The following RYR2 variants were observed in gnomAD, a reference collection of about 807,000 sequenced individuals.
RYR2 encodes the protein cardiac muscle ryanodine receptor-calcium release channel.
In RYR2, 227 loss-of-function variants were observed where a neutral mutation model predicts 601.1. The ratio of observed to expected loss-of-function variants is 0.38; its 90% CI spans 0.34 to 0.42. RYR2 has a LOEUF of 0.42. Ranked by LOEUF, RYR2 falls within the 10% of genes least tolerant of loss-of-function variation. The pLI is 1.00. For synonymous variants in RYR2, 2,223 were observed against 2,175.1 expected, an observed-to-expected ratio of 1.02 and a Z score of -0.61; for missense variants, 4,646 against 6,156.5, an observed-to-expected ratio of 0.75 and a Z score of 8.21.
chr1:237,310,309 G>A (rs1694406452), intron 2 of RYR2, among the ~76,000 whole-genome samples: 1 of 152,148 alleles, frequency 6.6e-6, no homozygotes, highest in African/African-American at 2.4e-5. Context: ...TAATGTGAAA[G>A]GAAAATAAAA....
intron 25 of RYR2, among the ~76,000 whole-genome samples, chr1:237,537,337 G>C (rs1352589624): frequency 6.6e-6 from 1 of 151,532 alleles, no homozygotes; most frequent in Non-Finnish European, 1.5e-5. Flanking sequence ...GTTTTGTTTT[G>C]TTTTTAGATG....
intron 1 of RYR2, among the ~76,000 whole-genome samples, chr1:237,067,149 G>A (rs1036673884): frequency 6.6e-6 from 1 of 151,190 alleles, no homozygotes; most frequent in Non-Finnish European, 1.5e-5. Context: ...TTTTAATTTT[G>A]ATGAAGTAAA....
chr1:237,592,505 C>T (rs1459024348), intron 32 of RYR2, among the ~76,000 whole-genome samples: 1 of 151,742 alleles, frequency 6.6e-6, no homozygotes, highest in African/African-American at 2.4e-5. Flanking sequence ...TGGAGGTGGG[C>T]ACCTGTAATC....
chr1:237,048,046 TC>T (rs1323884543), intron 1 of RYR2, among the ~76,000 whole-genome samples: 1 of 152,160 alleles, frequency 6.6e-6, no homozygotes, highest in African/African-American at 2.4e-5. Flanking sequence ...TGTTTAGACT[TC>T]CCTCTTGCCT....
At chr1:237,507,862 A>G (rs1470994065) in intron 23 of RYR2, among the ~76,000 whole-genome samples, 5 of 152,248 alleles carry the variant, frequency 3.3e-5, no homozygotes, top group African/African-American at 1.2e-4. Flanking sequence ...AGGCTTGCTG[A>G]AGCATGACCA....
intron 28 of RYR2, among the ~76,000 whole-genome samples, chr1:237,568,322 C>T (rs773911788): frequency 6.6e-6 from 1 of 152,118 alleles, no homozygotes; most frequent in African/African-American, 2.4e-5. Context: ...TGTCTGGTAA[C>T]GTACCGATTC....
chr1:237,554,619 A>C (rs2779387), intron 27 of RYR2, among the ~76,000 whole-genome samples: 139,547 of 151,898 alleles, frequency 0.92, 64,983 homozygotes, highest in Non-Finnish European at 0.99. Flanking sequence ...AGAGTTTTAT[A>C]CTATAGGAAA....
At chr1:237,795,836 G>A (rs868447072) in intron 96 of RYR2, among the ~76,000 whole-genome samples, 6 of 132,690 alleles carry the variant, frequency 4.5e-5, no homozygotes, top group Admixed American at 1.5e-4. Context: ...GTGTGTGTGT[G>A]TATATATATA....
At chr1:237,069,378 C>T (rs6672173) in intron 1 of RYR2, among the ~76,000 whole-genome samples, 118,537 of 151,784 alleles carry the variant, frequency 0.78, 46,778 homozygotes, top group East Asian at 0.99. Context: ...TTTAATATTA[C>T]TTATATCTAG....
intron 12 of RYR2, among the ~76,000 whole-genome samples, chr1:237,428,603 CG>C (rs1706454779): frequency 6.9e-6 from 1 of 145,080 alleles, no homozygotes; most frequent in Non-Finnish European, 1.5e-5. Flanking sequence ...CTCGGTGGGG[CG>C]GGGGTGCAAG....
At chr1:237,468,971 T>G in intron 16 of RYR2, 121 bp from the exon 17 acceptor site, 1 of 684,122 alleles carries the variant, frequency 1.5e-6, no homozygotes. Context: ...TTTGCATAAG[T>G]TTTTAGATGT....
chr1:237,467,247 A>G (rs1572454901), intron 16 of RYR2, among the ~76,000 whole-genome samples: 1 of 148,304 alleles, frequency 6.7e-6, no homozygotes, highest in African/African-American at 2.4e-5. Flanking sequence ...ATAGCTATAT[A>G]TAATTATATA....
intron 2 of RYR2, among the ~76,000 whole-genome samples, chr1:237,277,923 GATA>G (rs1432712425): frequency 6.6e-6 from 1 of 152,112 alleles, no homozygotes; most frequent in Non-Finnish European, 1.5e-5. Flanking sequence ...TGCTATTTTT[GATA>G]ATATTACTAA....
intron 60 of RYR2, 21 bp downstream of exon 60, chr1:237,674,867 G>A (rs1203198428): frequency 7.7e-7 from 1 of 1,292,266 alleles, no homozygotes; most frequent in African/African-American, 1.5e-5. Context: ...TAGTCCCATT[G>A]CTAATAGCCC....
chr1:237,446,787 G>T (rs1708381828), intron 14 of RYR2, among the ~76,000 whole-genome samples: 1 of 151,958 alleles, frequency 6.6e-6, no homozygotes, highest in African/African-American at 2.4e-5. Flanking sequence ...AAATCGAATG[G>T]GGTATGCACC....
Position 237,042,293 on chromosome 1 carries a change from C to G in RYR2, c.-229C>G, listed in dbSNP as rs1659993842. ...CTCCGGGCCCGGGCCGCCCTCCTCC[C>G]GCACAGTGCGGAGCAGGGAGGCCCC... On this transcript the variant is annotated 5_prime_UTR_variant, in exon 1 of 105. Coordinates refer to ENST00000366574, the MANE Select transcript of RYR2 (RefSeq NM_001035.3). The G allele has an allele frequency of 2.6e-5, 6 of 234,440 alleles. No homozygotes were observed. In the Admixed American group the frequency reaches 3.4e-4, roughly 13 times the overall value. The allele number at this position is 234,440 out of a possible 1,614,324, so 14.5% of individuals were successfully genotyped here.
intron 35 of RYR2, among the ~76,000 whole-genome samples, chr1:237,609,365 TC>T (rs1387999925): frequency 1.1e-4 from 13 of 116,126 alleles, no homozygotes; most frequent in Non-Finnish European, 8.7e-5. Flanking sequence ...CTTCTCCCCT[TC>T]CCCCCTTCCC....
intron 1 of RYR2, among the ~76,000 whole-genome samples, chr1:237,125,153 C>T (rs1281092352): frequency 1.3e-5 from 2 of 152,018 alleles, no homozygotes; most frequent in East Asian, 1.9e-4. Flanking sequence ...AATAAAGAGC[C>T]GAGAAGTATC....
rs1008444313 is a variant in RYR2 at position 237,530,351 on chromosome 1, T to A, written c.2823-76T>A. On this transcript the variant is annotated intron_variant, in intron 24 of 104. Coordinates refer to ENST00000366574, the MANE Select transcript of RYR2 (RefSeq NM_001035.3). The stretch of plus-strand genomic sequence containing the variant: ...TTGTGCTTTCAAGGTTGTATCTCAT[T>A]GCTACTGCTGCTGTCTTGGGTTATT... 1.3e-5 allele frequency: 14 copies of A among 1,090,996 alleles called. No individual in the cohort carries two copies. In the Middle Eastern group the frequency reaches 2.8e-3, roughly 219 times the overall value. The allele number at this position is 1,090,996 out of a possible 1,614,324, so 67.6% of individuals were successfully genotyped here.
Sources: gnomAD v4.1 joint callset for allele counts (sites outside exome capture counted in the v4.1 genomes callset) on GRCh38, gnomAD v4.1.1 for gene constraint, MANE v1.5 for transcripts, NCBI Gene and HGNC (gene_info 2026-07-23, HGNC 2026-07-21) for gene names.